Variants in RUFY2 observed in about 807,000 individuals in gnomAD.
The protein encoded by RUFY2 is RUN and FYVE domain containing 2.
RUFY2 carries 49 observed loss-of-function variants against 94.4 expected under a neutral mutation model. The observed-to-expected ratio is 0.52, with a 90% CI of 0.41 to 0.66. RUFY2 has a LOEUF of 0.66. Among genes scored for constraint, RUFY2 ranks in the 30% least tolerant of loss-of-function variants. The probability of loss-of-function intolerance (pLI) is 0.00; values close to 1 mark genes in which losing one functional copy is unlikely to be tolerated. For missense variants in RUFY2, 541 were observed against 692.8 expected, an observed-to-expected ratio of 0.78 and a Z score of 2.46; for synonymous variants, 255 against 235.7, an observed-to-expected ratio of 1.08 and a Z score of -0.75.
chr10:68,355,222 T>C, intron 16 of RUFY2, 131 bp downstream of exon 16: 2 of 605,042 alleles, frequency 3.3e-6, no homozygotes, highest in South Asian at 4.5e-5. Context: ...ACCCCCAGCA[T>C]CCAAGCTCCT....
rs2048877291 is a variant in RUFY2 at position 68,379,412 on chromosome 10, G to C, written c.1205+12C>G. On this transcript the variant is annotated intron_variant, in intron 12 of 17. Coordinates refer to ENST00000602465, the MANE Select transcript of RUFY2 (RefSeq NM_001330103.2). The stretch of plus-strand genomic sequence containing the variant: ...AAAAGAAAAAAAGAAACTAAGACTG[G>C]AAATGCTGTACCTTTGTTCCAGCTG... 2 of 1,571,410 alleles carry C rather than the reference G, an allele frequency of 1.3e-6. No homozygotes were observed. Among genetic ancestry groups the C allele is most frequent in the Non-Finnish European group, 1.7e-6 (2 of 1,158,938 alleles).
rs1302139656 is a variant in RUFY2, at chr10:68,344,386, T to A, written c.*1382A>T. On this transcript the variant is annotated 3_prime_UTR_variant, in exon 18 of 18. Transcript: ENST00000602465. ...ATGTATTTTTTATAGGCTCACAAAC[T>A]TAAAGTGCATGGTTAAAAATTAATG... The A allele has an allele frequency of 6.6e-6, 1 of 152,152 alleles. No homozygotes were observed. The allele number at this position is 152,152 out of a possible 1,614,324, so 9.4% of individuals were successfully genotyped here.
intron 16 of RUFY2, 46 bp from the exon 17 acceptor site, chr10:68,346,130 T>C (rs1238880685): frequency 1.2e-5 from 17 of 1,451,130 alleles, no homozygotes; most frequent in Non-Finnish European, 1.5e-5. Context: ...ACACTAAAAA[T>C]TAAATGTGAA....
At chr10:68,403,998 A>C (rs1003426908) in intron 2 of RUFY2, among the ~76,000 whole-genome samples, 5 of 152,132 alleles carry the variant, frequency 3.3e-5, no homozygotes, top group Admixed American at 1.3e-4. Flanking sequence ...CTTTTACTCT[A>C]TAATAGTCAC....
At chr10:68,365,351 C>G (rs768043193) in intron 13 of RUFY2, among the ~76,000 whole-genome samples, 4 of 152,212 alleles carry the variant, frequency 2.6e-5, no homozygotes, top group Non-Finnish European at 5.9e-5. Context: ...TGCACATTCT[C>G]TCCATGTCTG....
intron 1 of RUFY2, among the ~76,000 whole-genome samples, chr10:68,406,439 A>G (rs2051309656): frequency 2.6e-5 from 4 of 152,208 alleles, no homozygotes; most frequent in South Asian, 2.1e-4. Flanking sequence ...ACAGCCCATC[A>G]TAATTCCTAA....
At chr10:68,343,165 A>G (rs745317017), downstream of RUFY2, 13 of 152,206 alleles carry the variant, frequency 8.5e-5, no homozygotes, top group African/African-American at 2.9e-4. Context: ...CAGAAATGTT[A>G]TTAATAAATG....
chr10:68,377,575 G>A, intron 12 of RUFY2: 1 of 985,362 alleles, frequency 1.0e-6, no homozygotes, highest in East Asian at 1.1e-4. Flanking sequence ...TTTGGTGCCA[G>A]TTGGCATCAT....
At chr10:68,386,215 T>C in intron 7 of RUFY2, 87 bp from the exon 8 acceptor site, 6 of 1,061,486 alleles carry the variant, frequency 5.7e-6, no homozygotes, top group Non-Finnish European at 8.3e-6. Context: ...TTTACTATGT[T>C]TACTGACAGG....
chr10:68,375,488 C>G (rs1040790752), intron 13 of RUFY2, among the ~76,000 whole-genome samples: 3 of 151,730 alleles, frequency 2.0e-5, no homozygotes, highest in Non-Finnish European at 4.4e-5. Flanking sequence ...AAATTAGAGA[C>G]AATTGGCCGG....
downstream of RUFY2, chr10:68,342,138 A>AAG: frequency 1.0e-6 from 1 of 963,106 alleles, no homozygotes. Flanking sequence ...TTTGTATTTT[A>AAG]AGAACTTTAT....
chr10:68,368,435 G>A (rs1351047283), intron 13 of RUFY2, among the ~76,000 whole-genome samples: 2 of 148,894 alleles, frequency 1.3e-5, no homozygotes, highest in African/African-American at 5.2e-5. Context: ...CGAGATAGGC[G>A]GGTCACCTGA....
chr10:68,366,468 C>A (rs564455095), intron 13 of RUFY2, among the ~76,000 whole-genome samples: 1 of 150,810 alleles, frequency 6.6e-6, no homozygotes, highest in South Asian at 2.1e-4. Context: ...TCAGGCTGGG[C>A]GCAGTGGCTT....
At chr10:68,383,527 C>T (rs896874072) in intron 10 of RUFY2, among the ~76,000 whole-genome samples, 7 of 151,978 alleles carry the variant, frequency 4.6e-5, no homozygotes, top group Middle Eastern at 3.4e-3. Flanking sequence ...GGCTGAGGTA[C>T]AAGAATCACT....
chr10:68,367,618 C>T (rs1237258313), intron 13 of RUFY2, among the ~76,000 whole-genome samples: 1 of 152,064 alleles, frequency 6.6e-6, no homozygotes, highest in East Asian at 1.9e-4. Flanking sequence ...CAACACCCAG[C>T]TAATTTTTTC....
At chr10:68,355,562 AT>A in intron 15 of RUFY2, 161 bp from the exon 16 acceptor site, 1 of 475,962 alleles carries the variant, frequency 2.1e-6, no homozygotes, top group Non-Finnish European at 3.7e-6. Flanking sequence ...ATTTTCCTAT[AT>A]TTTCTAAATG....
intron 16 of RUFY2, among the ~76,000 whole-genome samples, chr10:68,346,895 A>G (rs1010818465): frequency 6.6e-6 from 1 of 152,208 alleles, no homozygotes; most frequent in Non-Finnish European, 1.5e-5. Flanking sequence ...AGACCTCTTT[A>G]GGAGGCCGAG....
intron 13 of RUFY2, among the ~76,000 whole-genome samples, chr10:68,375,890 G>A (rs998864671): frequency 2.0e-5 from 3 of 151,286 alleles, no homozygotes; most frequent in African/African-American, 7.3e-5. Flanking sequence ...CTGAGTTCAG[G>A]AGTATGAGAC....
chr10:68,368,256 C>T (rs2048004584), intron 13 of RUFY2, among the ~76,000 whole-genome samples: 1 of 151,330 alleles, frequency 6.6e-6, no homozygotes, highest in Admixed American at 6.6e-5. Context: ...GCGTGAGCCA[C>T]CAGGCCCAGC....
Sources: gnomAD v4.1 joint callset for allele counts (sites outside exome capture counted in the v4.1 genomes callset) on GRCh38, gnomAD v4.1.1 for gene constraint, MANE v1.5 for transcripts, NCBI Gene and HGNC (gene_info 2026-07-23, HGNC 2026-07-21) for gene names.